The following TMEM108 variants were observed in gnomAD, a reference collection of about 807,000 sequenced individuals.
TMEM108 encodes transmembrane protein 108, also known as cancer/testis antigen 124.
In TMEM108, 12 loss-of-function variants were observed where a neutral mutation model predicts 35.1. That is an observed-to-expected ratio of 0.34 (90% CI 0.22 to 0.55). The LOEUF (loss-of-function observed/expected upper bound fraction) is 0.55, where lower values mean the gene tolerates loss of function less well. Among genes scored for constraint, TMEM108 ranks in the 20% least tolerant of loss-of-function variants. The probability of loss-of-function intolerance (pLI) is 0.89; values close to 1 mark genes in which losing one functional copy is unlikely to be tolerated. For missense variants in TMEM108, 680 were observed against 753.3 expected (o/e 0.90, Z 1.14); for synonymous variants, 287 against 308.6 (o/e 0.93, Z 0.73).
At chr3:133,222,534 C>T (rs1169173100) in intron 2 of TMEM108, among the ~76,000 whole-genome samples, 1 of 151,960 alleles carries the variant, frequency 6.6e-6, no homozygotes, top group African/African-American at 2.4e-5. Context: ...TTTGTTGTTG[C>T]TCCACTAATC....
At chr3:133,174,299 T>A (rs1945177116) in intron 2 of TMEM108, among the ~76,000 whole-genome samples, 1 of 152,336 alleles carries the variant, frequency 6.6e-6, no homozygotes, top group African/African-American at 2.4e-5. Context: ...CAGACTTAAA[T>A]GTCCCTGTCT....
intron 3 of TMEM108, among the ~76,000 whole-genome samples, chr3:133,360,254 T>C (rs1423032735): frequency 2.6e-5 from 4 of 152,320 alleles, no homozygotes; most frequent in Admixed American, 6.5e-5. Flanking sequence ...AAGTGTTCTG[T>C]GTCTTGATTA....
chr3:133,291,689 C>T (rs1947071612), intron 3 of TMEM108, among the ~76,000 whole-genome samples: 1 of 152,090 alleles, frequency 6.6e-6, no homozygotes, highest in African/African-American at 2.4e-5. Context: ...TTATAAGCCC[C>T]TTAGATGTCC....
intron 3 of TMEM108, among the ~76,000 whole-genome samples, chr3:133,376,362 A>G (rs909551123): frequency 1.3e-5 from 2 of 152,150 alleles, no homozygotes; most frequent in Non-Finnish European, 2.9e-5. Context: ...TGTTGCTTCC[A>G]AAAGACTGCT....
At position 133,382,058 on chromosome 3, in the gene TMEM108, A is replaced by G. The variant is rs144920229; in HGVS notation, c.1450+897A>G. 1.8e-4 allele frequency among the ~76,000 whole-genome samples: 28 copies of G among 152,240 alleles called. 1 individual carries two copies. Among genetic ancestry groups the G allele is most frequent in the Non-Finnish European group, 3.5e-4 (24 of 68,004 alleles). On this transcript the variant is annotated intron_variant, in intron 4 of 5. Coordinates refer to ENST00000321871, the MANE Select transcript of TMEM108 (RefSeq NM_023943.4). ...CTCTCAGAACTTTAGGGATTTCATT[A>G]TGTCTTCCCTCATGTACTTGAGCTT...
At chr3:133,153,876 A>G (rs1470321337) in intron 2 of TMEM108, among the ~76,000 whole-genome samples, 2 of 152,148 alleles carry the variant, frequency 1.3e-5, no homozygotes, top group East Asian at 3.8e-4. Context: ...GGAAAAGGGA[A>G]GCACATATAT....
At chr3:133,267,517 G>A (rs1476617818) in intron 3 of TMEM108, among the ~76,000 whole-genome samples, 1 of 152,202 alleles carries the variant, frequency 6.6e-6, no homozygotes, top group Non-Finnish European at 1.5e-5. Context: ...ACTGTGAATA[G>A]GAGAAGTCAA....
At chr3:133,307,859 A>C (rs372731397) in intron 3 of TMEM108, among the ~76,000 whole-genome samples, 8 of 152,058 alleles carry the variant, frequency 5.3e-5, no homozygotes, top group African/African-American at 1.7e-4. Context: ...TTTTGGTTTC[A>C]TATGAACTTT....
intron 2 of TMEM108, among the ~76,000 whole-genome samples, chr3:133,177,228 C>A (rs1425997675): frequency 6.6e-6 from 1 of 152,128 alleles, no homozygotes; most frequent in Non-Finnish European, 1.5e-5. Context: ...CCGAATTCTA[C>A]CAGAGGTACA....
intron 2 of TMEM108, among the ~76,000 whole-genome samples, chr3:133,141,578 G>T (rs1944641763): frequency 6.6e-6 from 1 of 152,150 alleles, no homozygotes; most frequent in Non-Finnish European, 1.5e-5. Flanking sequence ...GCTGGTAAAA[G>T]GCTTTCAGAG....
At position 133,395,757 on chromosome 3, in the gene TMEM108, C is replaced by T. The variant is rs2073296525; in HGVS notation, c.1606-107C>T. The T allele has an allele frequency of 3.3e-6, 4 of 1,210,554 alleles. No individual in the cohort carries two copies. In the South Asian group the frequency reaches 1.1e-4, roughly 33 times the overall value. The allele number at this position is 1,210,554 out of a possible 1,614,324, so 75.0% of individuals were successfully genotyped here. On this transcript the variant is annotated intron_variant, in intron 5 of 5. Transcript: ENST00000321871. ...CAGTAGGGATGATGAAAATGTGCAC[C>T]AAGCCATCAGTGCTGAAATAAATGT...
intron 2 of TMEM108, among the ~76,000 whole-genome samples, chr3:133,148,225 A>T (rs1944749293): frequency 6.6e-6 from 1 of 152,204 alleles, no homozygotes; most frequent in Admixed American, 6.5e-5. Flanking sequence ...GGAGAGGAAA[A>T]TACAAGAGGA....
intron 2 of TMEM108, among the ~76,000 whole-genome samples, chr3:133,051,980 G>C (rs74542542): frequency 0.025 from 3,815 of 152,154 alleles, 78 homozygotes; most frequent in South Asian, 0.062. Flanking sequence ...TATTCTGCGT[G>C]TTTTGCCTCT....
intron 2 of TMEM108, among the ~76,000 whole-genome samples, chr3:133,172,121 A>G (rs1198448821): frequency 6.6e-6 from 1 of 152,204 alleles, no homozygotes; most frequent in Non-Finnish European, 1.5e-5. Context: ...TAACGCTCAC[A>G]GGGATGCAAT....
intron 2 of TMEM108, among the ~76,000 whole-genome samples, chr3:133,145,051 T>C (rs1944697429): frequency 6.6e-6 from 1 of 152,218 alleles, no homozygotes; most frequent in South Asian, 2.1e-4. Flanking sequence ...GCCTATGTCC[T>C]GAATGGTATT....
intron 2 of TMEM108, among the ~76,000 whole-genome samples, chr3:133,205,760 C>A (rs1473059839): frequency 6.6e-6 from 1 of 152,162 alleles, no homozygotes; most frequent in African/African-American, 2.4e-5. Flanking sequence ...CTTGGTGAAT[C>A]TGATGACTGT....
intron 2 of TMEM108, among the ~76,000 whole-genome samples, chr3:133,163,575 G>A (rs1473052341): frequency 6.6e-6 from 1 of 152,114 alleles, no homozygotes; most frequent in Non-Finnish European, 1.5e-5. Context: ...GGCTAGTGGG[G>A]ACTGTGCCTT....
chr3:133,246,680 A>T (rs1022203844), intron 3 of TMEM108: 1 of 151,798 alleles, frequency 6.6e-6, no homozygotes, highest in Non-Finnish European at 1.5e-5. Flanking sequence ...TCATGCACTC[A>T]CTCCACTGAG....
chr3:133,065,148 A>G (rs896649406), intron 2 of TMEM108, among the ~76,000 whole-genome samples: 2 of 152,212 alleles, frequency 1.3e-5, no homozygotes, highest in Non-Finnish European at 2.9e-5. Context: ...ACATAGAGCT[A>G]TTCAATGTGT....
Sources: allele counts gnomAD v4.1 joint callset (sites outside exome capture counted in the v4.1 genomes callset), GRCh38; gene constraint gnomAD v4.1.1; transcripts MANE v1.5; gene names NCBI Gene and HGNC (gene_info 2026-07-23, HGNC 2026-07-21).